TUBD1: variants seen among roughly 807,000 people sequenced by gnomAD.
TUBD1 encodes tubulin delta chain.
In TUBD1, 38 loss-of-function variants were observed where a neutral mutation model predicts 51.2. The observed-to-expected ratio is 0.74, with a 90% CI of 0.57 to 0.97. TUBD1 has a LOEUF of 0.97. Ranked by LOEUF, TUBD1 falls within the 50% of genes least tolerant of loss-of-function variation. TUBD1 has a pLI of 0.00. For missense variants in TUBD1, 489 were observed against 538.4 expected, an observed-to-expected ratio of 0.91 and a Z score of 0.91; for synonymous variants, 169 against 178.2, an observed-to-expected ratio of 0.95 and a Z score of 0.41.
At chr17:59,868,088 C>A (rs1238345666) in intron 6 of TUBD1, among the ~76,000 whole-genome samples, 5 of 140,636 alleles carry the variant, frequency 3.6e-5, no homozygotes, top group Non-Finnish European at 7.6e-5. Flanking sequence ...AATGGTGAAA[C>A]CCCATCTCCA....
intron 4 of TUBD1, 33 bp from the exon 5 acceptor site, chr17:59,878,367 A>G: frequency 6.7e-7 from 1 of 1,485,592 alleles, no homozygotes; most frequent in South Asian, 1.1e-5. Flanking sequence ...AAAGAAAGGT[A>G]GGAGAGAATA....
chr17:59,862,533 T>C (rs1366939894), intron 8 of TUBD1, among the ~76,000 whole-genome samples: 1 of 151,542 alleles, frequency 6.6e-6, no homozygotes, highest in Non-Finnish European at 1.5e-5. Flanking sequence ...TCTTATGTTT[T>C]TTAATTTAAT....
chr17:59,887,116 G>A (rs764772415), intron 2 of TUBD1, among the ~76,000 whole-genome samples: 28 of 152,218 alleles, frequency 1.8e-4, no homozygotes, highest in Non-Finnish European at 3.7e-4. Flanking sequence ...ATCCCGGGAG[G>A]TGGAGGTTGC....
At position 59,890,996 on chromosome 17, in the gene TUBD1, T is replaced by C. The variant is rs757085234; in HGVS notation, c.7A>G (p.Ile3Val). 1.1e-5 allele frequency: 18 copies of C among 1,609,970 alleles called. No individual in the cohort carries two copies. In the Middle Eastern group the frequency reaches 5.0e-4, roughly 44 times the overall value. ...CACTGACCAAGTTGCACTGTTACAA[T>C]TGACATGCTGAGCCACAAACTAGGT... MS[I>V]VTVQLGQCGN... The change falls in exon 2 of 9, where the codon ATT becomes GTT. Residue 3 changes from isoleucine to valine, a missense_variant. Coordinates refer to ENST00000325752, the MANE Select transcript of TUBD1 (RefSeq NM_016261.4).
chr17:59,875,151 T>C (rs1460966044), intron 5 of TUBD1, among the ~76,000 whole-genome samples: 2 of 140,876 alleles, frequency 1.4e-5, no homozygotes, highest in African/African-American at 5.3e-5. Flanking sequence ...TGATCTCGGC[T>C]CACTGCAACC....
At chr17:59,888,410 T>G (rs1253876864) in intron 2 of TUBD1, among the ~76,000 whole-genome samples, 2 of 151,406 alleles carry the variant, frequency 1.3e-5, no homozygotes, top group African/African-American at 4.9e-5. Flanking sequence ...ATATAGGAGG[T>G]CAAATAAGCA....
At position 59,886,392 on chromosome 17, in the gene TUBD1, G is replaced by A. The variant is rs1751769068; in HGVS notation, c.173-162C>T. Reference sequence around the variant, plus strand: ...TCGTACTGCTTAGAAATCTCAGTGGGCAGCAGCAGGCATATGCAGATGTTC... The same window carrying A: ...TCGTACTGCTTAGAAATCTCAGTGGACAGCAGCAGGCATATGCAGATGTTC... On this transcript the variant is annotated intron_variant, in intron 2 of 8. Transcript: ENST00000325752. 3.8e-5 allele frequency: 26 copies of A among 675,866 alleles called. No homozygotes were observed. The South Asian group carries it at 5.3e-4, about 14-fold the overall frequency. The allele number at this position is 675,866 out of a possible 1,614,324, so 41.9% of individuals were successfully genotyped here.
intron 2 of TUBD1, among the ~76,000 whole-genome samples, chr17:59,889,977 A>G (rs1426435725): frequency 6.6e-6 from 1 of 151,050 alleles, no homozygotes; most frequent in Non-Finnish European, 1.5e-5. Context: ...CAAAAAAAAA[A>G]AAAAAAAAAA....
At chr17:59,869,815 T>C (rs1296188825) in intron 6 of TUBD1, among the ~76,000 whole-genome samples, 2 of 152,176 alleles carry the variant, frequency 1.3e-5, no homozygotes, top group Admixed American at 6.6e-5. Flanking sequence ...GTATAATATA[T>C]GCTATTAATA....
intron 8 of TUBD1, among the ~76,000 whole-genome samples, chr17:59,863,164 G>A (rs1489130719): frequency 6.6e-6 from 1 of 152,174 alleles, no homozygotes; most frequent in Non-Finnish European, 1.5e-5. Flanking sequence ...TAATCCTCGT[G>A]AGAAATGTCC....
intron 6 of TUBD1, among the ~76,000 whole-genome samples, chr17:59,870,492 G>A (rs1054554449): frequency 6.6e-6 from 1 of 151,730 alleles, no homozygotes; most frequent in South Asian, 2.1e-4. Flanking sequence ...GCAGTAGGAG[G>A]AGTGCGCTCT....
intron 3 of TUBD1, 118 bp from the exon 4 acceptor site, chr17:59,881,228 T>G: frequency 1.2e-6 from 1 of 821,370 alleles, no homozygotes; most frequent in South Asian, 1.7e-5. Flanking sequence ...GTGAAGGAAC[T>G]CTCATGAAAG....
At chr17:59,864,735 C>A (rs2039621688) in intron 7 of TUBD1, among the ~76,000 whole-genome samples, 1 of 152,122 alleles carries the variant, frequency 6.6e-6, no homozygotes, top group Admixed American at 6.6e-5. Flanking sequence ...TGGGCCCAAG[C>A]AATCGTCCCA....
chr17:59,871,223 T>C (rs1255739229), intron 6 of TUBD1, among the ~76,000 whole-genome samples: 1 of 152,160 alleles, frequency 6.6e-6, no homozygotes, highest in Non-Finnish European at 1.5e-5. Context: ...TGAGACAGGG[T>C]CTCGCTCTGT....
chr17:59,880,339 G>C (rs933303030), intron 4 of TUBD1, among the ~76,000 whole-genome samples: 2 of 150,212 alleles, frequency 1.3e-5, no homozygotes, highest in African/African-American at 4.9e-5. Context: ...TTACAGGCGT[G>C]AGCCACTGCA....
intron 6 of TUBD1, 130 bp downstream of exon 6, chr17:59,874,409 T>C (rs1244464390): frequency 5.0e-6 from 4 of 802,702 alleles, no homozygotes; most frequent in Non-Finnish European, 5.7e-6. Context: ...TCCTGGTGAG[T>C]TTCTGCCGGA....
intron 1 of TUBD1, among the ~76,000 whole-genome samples, chr17:59,892,268 G>A (rs553963889): frequency 1.0e-3 from 156 of 152,260 alleles, no homozygotes; most frequent in Non-Finnish European, 1.2e-3. Context: ...TTAACCGGGC[G>A]CAATGGCTCA....
chr17:59,872,769 AT>A (rs1173662832), intron 6 of TUBD1, among the ~76,000 whole-genome samples: 267 of 135,092 alleles, frequency 2.0e-3, no homozygotes, highest in Non-Finnish European at 2.5e-3. Context: ...TCAATTCTCA[AT>A]TTTTTTTTTT....
rs566317365 is a variant in TUBD1 at position 59,890,708 on chromosome 17, G to C, written c.172+123C>G. ...AAGATTATTAACATAGAAATGAAAAGCAAAAACAAAGTAATTCCCTAGTGA... is the reference window on the plus strand; with the variant it reads ...AAGATTATTAACATAGAAATGAAAACCAAAAACAAAGTAATTCCCTAGTGA... On this transcript the variant is annotated intron_variant, in intron 2 of 8. Transcript: ENST00000325752. The C allele has an allele frequency of 3.4e-5, 28 of 825,694 alleles. No homozygotes were observed. In the African/African-American group the frequency reaches 4.9e-4, roughly 14 times the overall value. The allele number at this position is 825,694 out of a possible 1,614,324, so 51.1% of individuals were successfully genotyped here. A position where few individuals can be genotyped will look rare whatever the true frequency, so the allele number is the denominator to read the frequency against.
Sources: gnomAD v4.1 joint callset for allele counts (sites outside exome capture counted in the v4.1 genomes callset) on GRCh38, gnomAD v4.1.1 for gene constraint, MANE v1.5 for transcripts, NCBI Gene and HGNC (gene_info 2026-07-23, HGNC 2026-07-21) for gene names.